Variants in ASTN2 observed in about 807,000 individuals in gnomAD.
The protein encoded by ASTN2 is astrotactin 2.
ASTN2 carries 54 observed loss-of-function variants against 139.8 expected under a neutral mutation model. The ratio of observed to expected loss-of-function variants is 0.39; its 90% CI spans 0.31 to 0.48. The LOEUF (loss-of-function observed/expected upper bound fraction) is 0.48, where lower values mean the gene tolerates loss of function less well. ASTN2 is among the 20% of genes least tolerant of loss of function. The probability of loss-of-function intolerance (pLI) is 0.95; values close to 1 mark genes in which losing one functional copy is unlikely to be tolerated. For synonymous variants in ASTN2, 756 were observed against 719.5 expected, an observed-to-expected ratio of 1.05 and a Z score of -0.81; for missense variants, 1,565 against 1,725.1, an observed-to-expected ratio of 0.91 and a Z score of 1.64.
intron 7 of ASTN2, among the ~76,000 whole-genome samples, chr9:117,005,080 A>ATT (rs35759848): frequency 0.25 from 18,385 of 74,272 alleles, 4,654 homozygotes; most frequent in Admixed American, 0.33. Context: ...CCTGTAGTCG[A>ATT]TTTTTTTTTT....
At chr9:116,714,522 A>T (rs1295636090) in intron 16 of ASTN2, among the ~76,000 whole-genome samples, 1 of 152,242 alleles carries the variant, frequency 6.6e-6, no homozygotes, top group Non-Finnish European at 1.5e-5. Context: ...CTTTACAAAC[A>T]TCAATTCATT....
At chr9:117,113,851 G>T (rs1201810407) in intron 4 of ASTN2, among the ~76,000 whole-genome samples, 1 of 152,108 alleles carries the variant, frequency 6.6e-6, no homozygotes, top group Non-Finnish European at 1.5e-5. Flanking sequence ...GTGGTTGTCT[G>T]ATATTGTAGG....
chr9:117,006,380 G>T (rs981377689), intron 7 of ASTN2, among the ~76,000 whole-genome samples: 1 of 152,114 alleles, frequency 6.6e-6, no homozygotes, highest in Non-Finnish European at 1.5e-5. Context: ...GTGTCCCATT[G>T]TTCAGACTGA....
At chr9:116,498,363 T>C (rs1005621687) in intron 19 of ASTN2, among the ~76,000 whole-genome samples, 1 of 151,860 alleles carries the variant, frequency 6.6e-6, no homozygotes, top group Non-Finnish European at 1.5e-5. Context: ...GGCAGGAGGA[T>C]CACTTGAGGC....
intron 16 of ASTN2, among the ~76,000 whole-genome samples, chr9:116,687,640 G>T (rs1372724513): frequency 6.6e-6 from 1 of 151,776 alleles, no homozygotes; most frequent in East Asian, 1.9e-4. Context: ...AGAGATTTGC[G>T]GTTGCAGCAT....
rs138078174 is a variant in ASTN2 at position 117,328,500 on chromosome 9, T to G, written c.443-36987A>C. Among the ~76,000 whole-genome samples, 256 of 152,326 alleles carry G rather than the reference T, an allele frequency of 1.7e-3. 1 individual carries two copies. Among genetic ancestry groups the G allele is most frequent in the African/African-American group, 5.7e-3 (239 of 41,582 alleles). ...GAAAGACCTCAGGCTGAATGATCCC[T>G]TCTGTGTCCTGCCACTTTCATTATT... On this transcript the variant is annotated intron_variant, in intron 1 of 22. Transcript: ENST00000313400.
intron 19 of ASTN2, among the ~76,000 whole-genome samples, chr9:116,597,922 C>G (rs1303218627): frequency 6.6e-6 from 1 of 152,054 alleles, no homozygotes; most frequent in Non-Finnish European, 1.5e-5. Flanking sequence ...TCAACAGACC[C>G]CAAAGGTGAG....
intron 10 of ASTN2, among the ~76,000 whole-genome samples, chr9:116,937,479 T>C (rs1169878642): frequency 6.6e-6 from 1 of 152,220 alleles, no homozygotes; most frequent in Non-Finnish European, 1.5e-5. Flanking sequence ...CTCTAAACCT[T>C]TATTTACTGG....
At chr9:116,745,233 C>T (rs1829203463) in intron 13 of ASTN2, among the ~76,000 whole-genome samples, 1 of 152,208 alleles carries the variant, frequency 6.6e-6, no homozygotes. Context: ...CTACCAATCC[C>T]TATTCTTAGT....
intron 1 of ASTN2, among the ~76,000 whole-genome samples, chr9:117,320,145 T>C (rs1828283006): frequency 6.6e-6 from 1 of 152,176 alleles, no homozygotes; most frequent in African/African-American, 2.4e-5. Context: ...TTATTTCCCC[T>C]GTTTGAGCAC....
intron 19 of ASTN2, among the ~76,000 whole-genome samples, chr9:116,546,927 C>T (rs1462361023): frequency 6.6e-6 from 1 of 152,194 alleles, no homozygotes; most frequent in East Asian, 1.9e-4. Context: ...TTGTACTTTA[C>T]CCAGCTGCCC....
At chr9:116,530,674 G>A (rs1851305238) in intron 19 of ASTN2, among the ~76,000 whole-genome samples, 1 of 152,002 alleles carries the variant, frequency 6.6e-6, no homozygotes, top group Admixed American at 6.6e-5. Flanking sequence ...ATGATAAAAT[G>A]AATGAGCCAA....
intron 3 of ASTN2, among the ~76,000 whole-genome samples, chr9:117,145,712 TA>T (rs1830179031): frequency 6.6e-6 from 1 of 152,196 alleles, no homozygotes; most frequent in African/African-American, 2.4e-5. Context: ...TTACTTTGCC[TA>T]CACCTCTATA....
At chr9:116,962,390 G>T (rs1393040552) in intron 10 of ASTN2, among the ~76,000 whole-genome samples, 1 of 152,184 alleles carries the variant, frequency 6.6e-6, no homozygotes, top group Non-Finnish European at 1.5e-5. Context: ...ATGTGTGTGT[G>T]CTTCAAAAGA....
chr9:116,530,317 A>C (rs1398217075), intron 19 of ASTN2, among the ~76,000 whole-genome samples: 1 of 151,420 alleles, frequency 6.6e-6, no homozygotes, highest in Admixed American at 6.6e-5. Context: ...ATAGAGAGTA[A>C]AATCATGGTT....
chr9:116,691,265 T>G (rs1206614367), intron 16 of ASTN2, among the ~76,000 whole-genome samples: 1 of 152,188 alleles, frequency 6.6e-6, no homozygotes, highest in African/African-American at 2.4e-5. Context: ...AGATGTTATA[T>G]GCAGAGAAAG....
chr9:117,284,963 C>G (rs1834411997), intron 2 of ASTN2, among the ~76,000 whole-genome samples: 1 of 152,190 alleles, frequency 6.6e-6, no homozygotes, highest in Non-Finnish European at 1.5e-5. Context: ...GTAATAATAT[C>G]TATTGAGATT....
chr9:117,251,935 G>T lies in ASTN2; in HGVS notation c.631-37193C>A, dbSNP rs567851522. ...CTCACTAAGAGAAGAGGTCATAAAA[G>T]GAAAAACACATCTCCAAGGAGGCAA... On this transcript the variant is annotated intron_variant, in intron 2 of 22. Coordinates refer to ENST00000313400, the MANE Select transcript of ASTN2 (RefSeq NM_001365068.1). Among the ~76,000 whole-genome samples the T allele has an allele frequency of 4.6e-5, 7 of 152,256 alleles. No homozygotes were observed. In the East Asian group the frequency reaches 5.8e-4, roughly 13 times the overall value.
intron 2 of ASTN2, among the ~76,000 whole-genome samples, chr9:117,261,119 A>G (rs1833812494): frequency 6.6e-6 from 1 of 152,244 alleles, no homozygotes; most frequent in Non-Finnish European, 1.5e-5. Context: ...AGCAGTGAGC[A>G]CAATGAATTC....
Sources: gnomAD v4.1 joint callset for allele counts (sites outside exome capture counted in the v4.1 genomes callset) on GRCh38, gnomAD v4.1.1 for gene constraint, MANE v1.5 for transcripts, NCBI Gene and HGNC (gene_info 2026-07-23, HGNC 2026-07-21) for gene names.